MGAT5: variants seen among roughly 807,000 people sequenced by gnomAD.
The protein encoded by MGAT5 is alpha-1,6-mannosylglycoprotein 6-beta-N-acetylglucosaminyltransferase A.
In MGAT5, 30 loss-of-function variants were observed where a neutral mutation model predicts 94.3. The ratio of observed to expected loss-of-function variants is 0.32; its 90% CI spans 0.24 to 0.43. MGAT5 has a LOEUF of 0.43. Ranked by LOEUF, MGAT5 falls within the 20% of genes least tolerant of loss-of-function variation. The pLI is 1.00. For synonymous variants in MGAT5, 310 were observed against 322.9 expected, an observed-to-expected ratio of 0.96 and a Z score of 0.43; for missense variants, 691 against 905.5, an observed-to-expected ratio of 0.76 and a Z score of 3.04.
At chr2:134,291,469 T>C (rs561638806) in intron 2 of MGAT5, among the ~76,000 whole-genome samples, 1 of 152,308 alleles carries the variant, frequency 6.6e-6, no homozygotes, top group East Asian at 1.9e-4. Context: ...TAATTTGTTA[T>C]AGCAGCCCAG....
intron 6 of MGAT5, among the ~76,000 whole-genome samples, chr2:134,340,887 G>A (rs534346406): frequency 6.6e-6 from 1 of 152,228 alleles, no homozygotes; most frequent in South Asian, 2.1e-4. Context: ...TCTGACTCTT[G>A]AATCACACAG....
chr2:134,243,873 T>A (rs1682096927), intron 1 of MGAT5, among the ~76,000 whole-genome samples: 1 of 152,102 alleles, frequency 6.6e-6, no homozygotes, highest in Non-Finnish European at 1.5e-5. Flanking sequence ...GTCGGGGTAA[T>A]TGGGCTGGAG....
chr2:134,419,489 T>TGTGTGTGTGTGTGTG (rs1574061867), intron 12 of MGAT5, among the ~76,000 whole-genome samples: 10 of 150,004 alleles, frequency 6.7e-5, no homozygotes, highest in East Asian at 3.9e-4. Context: ...TGTGTGTGTG[T>TGTGTGTGTGTGTGTG]TTCCATAAAG....
intron 1 of MGAT5, among the ~76,000 whole-genome samples, chr2:134,176,570 CTT>C (rs1224182990): frequency 4.0e-5 from 2 of 49,716 alleles, no homozygotes; most frequent in East Asian, 1.3e-3. Context: ...GAGACTCTGT[CTT>C]AAAAAAAAAA....
In MGAT5 at chr2:134,349,914, C is replaced by T; in HGVS notation, c.1222C>T (p.Pro408Ser). 1 of 1,613,360 alleles carries T rather than the reference C, an allele frequency of 6.2e-7. No homozygotes were observed. The highest frequency in any genetic ancestry group is 8.5e-7 in the Non-Finnish European group (1 of 1,179,588). Residue 408 changes from proline (P) to serine (S), a missense_variant, in exon 9 of 16, where the codon CCT becomes TCT. By Grantham distance (74) the Pro-to-Ser change is moderately conservative. Transcript: ENST00000281923. ...KTPWGKWNLN[P>S]QQFYTMFPHT... ...CCCTTGGGGAAAATGGAATCTGAAC[C>T]CTCAGCAGTTTTATACCATGTTCCG...
intron 1 of MGAT5, among the ~76,000 whole-genome samples, chr2:134,125,944 A>G (rs904013818): frequency 1.3e-5 from 2 of 152,196 alleles, no homozygotes; most frequent in Admixed American, 1.3e-4. Context: ...TCCTCTCAGC[A>G]TTGATTTCCT....
At chr2:134,181,819 G>A (rs771767656) in intron 1 of MGAT5, among the ~76,000 whole-genome samples, 1 of 152,154 alleles carries the variant, frequency 6.6e-6, no homozygotes, top group Non-Finnish European at 1.5e-5. Flanking sequence ...TCCACACTTC[G>A]CCTTGAGTAA....
rs998068012 is a variant in MGAT5 at position 134,452,836 on chromosome 2, A to T, written c.*3989A>T. 3 of 152,246 alleles carry T rather than the reference A, an allele frequency of 2.0e-5. No homozygotes were observed. The South Asian group carries it at 6.2e-4, about 31-fold the overall frequency. The allele number at this position is 152,246 out of a possible 1,614,324, so 9.4% of individuals were successfully genotyped here. ...CCCTGTGGAGCTGCAGAGCATCTTC[A>T]TGTGAGTAGACGGATGGACATAAAT... is the stretch of plus-strand genomic sequence containing the variant. On this transcript the variant is annotated 3_prime_UTR_variant, in exon 16 of 16. Coordinates refer to ENST00000281923, the MANE Select transcript of MGAT5 (RefSeq NM_002410.5).
In MGAT5 at chr2:134,396,569, A is replaced by C. The variant is rs1399792980; in HGVS notation, c.1381-6419A>C. ...AACTCTTTTTATTTTGTTTTTGATT[A>C]GAATACACACTTAGGTAGTCTTGGA... On this transcript the variant is annotated intron_variant, in intron 10 of 15. Coordinates refer to ENST00000281923, the MANE Select transcript of MGAT5 (RefSeq NM_002410.5). 2.0e-5 allele frequency among the ~76,000 whole-genome samples: 3 copies of C among 152,200 alleles called. No homozygotes were observed. The East Asian group carries it at 5.8e-4, about 29-fold the overall frequency.
In MGAT5 at chr2:134,440,537, C is replaced by T. The variant is rs138194403; in HGVS notation, c.1870-1221C>T. Among the ~76,000 whole-genome samples the T allele has an allele frequency of 2.3e-3, 351 of 152,360 alleles. 3 individuals carry two copies. Among genetic ancestry groups the T allele is most frequent in the Admixed American group, 2.9e-3 (45 of 15,308 alleles). On this transcript the variant is annotated intron_variant, in intron 14 of 15. Transcript: ENST00000281923. Reference sequence around the variant, plus strand: ...CGATAGAACCATGTCCTGTCCAGGGCTGCTTCCCGTCTGGCACCCTGAGCT... The same window carrying T: ...CGATAGAACCATGTCCTGTCCAGGGTTGCTTCCCGTCTGGCACCCTGAGCT...
intron 4 of MGAT5, among the ~76,000 whole-genome samples, chr2:134,321,138 A>G (rs540118486): frequency 6.6e-6 from 1 of 152,090 alleles, no homozygotes; most frequent in Non-Finnish European, 1.5e-5. Flanking sequence ...CCTTCTCCAG[A>G]GGAGTAAAGC....
chr2:134,325,390 G>A (rs1687583976), intron 4 of MGAT5, among the ~76,000 whole-genome samples: 1 of 151,980 alleles, frequency 6.6e-6, no homozygotes, highest in Non-Finnish European at 1.5e-5. Context: ...TTTTTAATAT[G>A]CAAAATTTCC....
chr2:134,329,540 G>A (rs1204496205), intron 4 of MGAT5, among the ~76,000 whole-genome samples: 2 of 152,074 alleles, frequency 1.3e-5, no homozygotes, highest in Admixed American at 6.6e-5. Flanking sequence ...TGGGACTGTA[G>A]GAACCAAAAG....
intron 1 of MGAT5, among the ~76,000 whole-genome samples, chr2:134,170,689 G>A (rs1330613314): frequency 6.6e-6 from 1 of 152,198 alleles, no homozygotes; most frequent in Middle Eastern, 3.4e-3. Context: ...CCTTACTGAG[G>A]TCTTTCTCAG....
At position 134,452,362 on chromosome 2, in the gene MGAT5, C is replaced by T. The variant is rs976860338; in HGVS notation, c.*3515C>T. ...GGCAGAATCATGTGAATGGGTGCAT[C>T]CAAGGAGTTCAGGGCCCTGCTTGGA... is the stretch of plus-strand genomic sequence containing the variant. On this transcript the variant is annotated 3_prime_UTR_variant, in exon 16 of 16. Coordinates refer to ENST00000281923, the MANE Select transcript of MGAT5 (RefSeq NM_002410.5). 6.6e-6 allele frequency: 1 copy of T among 152,164 alleles called. No individual in the cohort carries two copies. The highest frequency in any genetic ancestry group is 6.5e-5 in the Admixed American group (1 of 15,278). The allele number at this position is 152,164 out of a possible 1,614,324, so 9.4% of individuals were successfully genotyped here.
intron 10 of MGAT5, among the ~76,000 whole-genome samples, chr2:134,389,966 G>A (rs897318031): frequency 6.6e-6 from 1 of 152,100 alleles, no homozygotes; most frequent in African/African-American, 2.4e-5. Context: ...CAGGGCGTTG[G>A]TGTGGTTTCA....
In MGAT5 at chr2:134,402,254, G is replaced by A. The variant is rs577561192; in HGVS notation, c.1381-734G>A. Among the ~76,000 whole-genome samples, 53 of 152,276 alleles carry A rather than the reference G, an allele frequency of 3.5e-4. 1 individual carries two copies. In the South Asian group the frequency reaches 9.5e-3, roughly 27 times the overall value. On this transcript the variant is annotated intron_variant, in intron 10 of 15. Coordinates refer to ENST00000281923, the MANE Select transcript of MGAT5 (RefSeq NM_002410.5). Reference sequence around the variant, plus strand: ...CACAGGTGGTTTTGATTTAGAAAACGTGCCTCAAAATTCAGTGCCTACAAA... The same window carrying A: ...CACAGGTGGTTTTGATTTAGAAAACATGCCTCAAAATTCAGTGCCTACAAA...
intron 13 of MGAT5, among the ~76,000 whole-genome samples, chr2:134,425,353 TTTTTTG>T (rs774490761): frequency 6.6e-5 from 10 of 152,178 alleles, no homozygotes; most frequent in South Asian, 2.1e-4. Context: ...GTTTTTAGTT[TTTTTTG>T]TTTTTGTTTT....
intron 14 of MGAT5, among the ~76,000 whole-genome samples, chr2:134,431,062 T>TG (rs1249447574): frequency 6.6e-6 from 1 of 152,074 alleles, no homozygotes; most frequent in East Asian, 1.9e-4. Flanking sequence ...GACTGAAGGC[T>TG]GGACAAGTCC....
Sources: gnomAD v4.1 joint callset for allele counts (sites outside exome capture counted in the v4.1 genomes callset) on GRCh38, gnomAD v4.1.1 for gene constraint, MANE v1.5 for transcripts, NCBI Gene and HGNC (gene_info 2026-07-23, HGNC 2026-07-21) for gene names.